RORB: variants seen among roughly 807,000 people sequenced by gnomAD.
RORB encodes the protein nuclear receptor ROR-beta.
RORB carries 6 observed loss-of-function variants against 59.1 expected under a neutral mutation model. The ratio of observed to expected loss-of-function variants is 0.10; its 90% CI spans 0.06 to 0.20. RORB has a LOEUF of 0.20. Among genes scored for constraint, RORB ranks in the 10% least tolerant of loss-of-function variants. The pLI, the probability that RORB is intolerant of heterozygous loss-of-function variation, is 1.00. For synonymous variants in RORB, 215 were observed against 204.5 expected (o/e 1.05, Z -0.44); for missense variants, 320 against 560.5 (o/e 0.57, Z 4.33).
chr9:74,507,612 T>A (rs1027618825), intron 1 of RORB, among the ~76,000 whole-genome samples: 1 of 152,006 alleles, frequency 6.6e-6, no homozygotes, highest in African/African-American at 2.4e-5. Context: ...AACACTCAAA[T>A]CATATTTAAC....
rs542223224 is a variant in RORB at position 74,597,183 on chromosome 9, C to T, written c.8-33099C>T. On this transcript the variant is annotated intron_variant, in intron 1 of 9. Coordinates refer to ENST00000376896, the MANE Select transcript of RORB (RefSeq NM_006914.4). ...GGAGACTACGTTTTGAGAATCACTG[C>T]TCTATAGGAAGTAGGAGCAATACCA... Among the ~76,000 whole-genome samples the T allele has an allele frequency of 3.9e-5, 6 of 152,272 alleles. 1 individual carries two copies. The South Asian group carries it at 1.2e-3, about 32-fold the overall frequency.
At chr9:74,576,803 C>T (rs982965363) in intron 1 of RORB, among the ~76,000 whole-genome samples, 3 of 152,184 alleles carry the variant, frequency 2.0e-5, no homozygotes, top group Middle Eastern at 3.4e-3. Context: ...ATAGCTAACA[C>T]TTAACTAGTG....
chr9:74,614,932 G>A (rs887578016), intron 1 of RORB, among the ~76,000 whole-genome samples: 1 of 152,156 alleles, frequency 6.6e-6, no homozygotes, highest in African/African-American at 2.4e-5. Flanking sequence ...AGTCACTTTA[G>A]ACTTCAGGTG....
chr9:74,603,678 A>T (rs952339867), intron 1 of RORB, among the ~76,000 whole-genome samples: 2 of 152,224 alleles, frequency 1.3e-5, no homozygotes, highest in Admixed American at 6.5e-5. Flanking sequence ...TTAGTCCATT[A>T]CTAGGAGTTA....
chr9:74,549,427 G>A (rs1826554986), intron 1 of RORB, among the ~76,000 whole-genome samples: 1 of 138,100 alleles, frequency 7.2e-6, no homozygotes, highest in African/African-American at 2.8e-5. Flanking sequence ...CTGGGCAACA[G>A]AGCAAAATTC....
chr9:74,512,102 T>C (rs1825947374), intron 1 of RORB, among the ~76,000 whole-genome samples: 1 of 152,186 alleles, frequency 6.6e-6, no homozygotes, highest in African/African-American at 2.4e-5. Flanking sequence ...TTTTTGTCTC[T>C]AAAGGCTCCT....
At chr9:74,683,603 C>T (rs1047953599) in intron 9 of RORB, among the ~76,000 whole-genome samples, 1 of 152,152 alleles carries the variant, frequency 6.6e-6, no homozygotes, top group Non-Finnish European at 1.5e-5. Context: ...AGCATCTTTG[C>T]ACATGATCCT....
At chr9:74,534,779 A>G (rs557736354) in intron 1 of RORB, among the ~76,000 whole-genome samples, 5 of 152,182 alleles carry the variant, frequency 3.3e-5, no homozygotes, top group African/African-American at 4.8e-5. Context: ...AATGATCACA[A>G]TAATATTTTC....
intron 1 of RORB, among the ~76,000 whole-genome samples, chr9:74,534,159 A>G (rs1407453359): frequency 6.6e-6 from 1 of 152,048 alleles, no homozygotes; most frequent in East Asian, 1.9e-4. Context: ...CGAGGTTCAT[A>G]TACGGATAAA....
chr9:74,571,514 A>G (rs12004464), intron 1 of RORB, among the ~76,000 whole-genome samples: 2,845 of 152,178 alleles, frequency 0.019, 78 homozygotes, highest in African/African-American at 0.061. Context: ...TGAAAAAGTT[A>G]TCGTTGTTAA....
In RORB at chr9:74,641,091, G is replaced by A. The variant is rs78525841; in HGVS notation, c.236-1323G>A. Reference sequence around the variant, plus strand: ...AACACCAAGAGGTGGTGGGAATACCGTCACAAAAGAACAGCAAACAGAAAC... The same window carrying A: ...AACACCAAGAGGTGGTGGGAATACCATCACAAAAGAACAGCAAACAGAAAC... On this transcript the variant is annotated intron_variant, in intron 3 of 9. Coordinates refer to ENST00000376896, the MANE Select transcript of RORB (RefSeq NM_006914.4). 2.6e-4 allele frequency among the ~76,000 whole-genome samples: 40 copies of A among 152,224 alleles called. No individual in the cohort carries two copies. In the East Asian group the frequency reaches 3.9e-3, roughly 15 times the overall value.
intron 3 of RORB, among the ~76,000 whole-genome samples, chr9:74,636,986 T>C (rs1439302177): frequency 1.3e-5 from 2 of 152,178 alleles, no homozygotes; most frequent in Non-Finnish European, 2.9e-5. Context: ...GTATGTAGTA[T>C]TGAATGATTC....
intron 1 of RORB, among the ~76,000 whole-genome samples, chr9:74,626,723 G>A (rs150125319): frequency 1.2e-4 from 18 of 152,304 alleles, no homozygotes; most frequent in African/African-American, 4.3e-4. Flanking sequence ...CATGTCACTA[G>A]ATCTGTATTC....
intron 1 of RORB, among the ~76,000 whole-genome samples, chr9:74,581,189 CCTT>C (rs1187491880): frequency 1.3e-5 from 2 of 152,156 alleles, no homozygotes; most frequent in Admixed American, 1.3e-4. Context: ...ACCCTTTAAA[CCTT>C]CTTAAAGGTC....
chr9:74,548,679 C>T (rs1826541426), intron 1 of RORB, among the ~76,000 whole-genome samples: 1 of 151,768 alleles, frequency 6.6e-6, no homozygotes, highest in African/African-American at 2.4e-5. Context: ...GTGTGAACTT[C>T]GAAAGTAATA....
chr9:74,504,824 T>C (rs544206271), intron 1 of RORB, among the ~76,000 whole-genome samples: 3 of 152,228 alleles, frequency 2.0e-5, no homozygotes, highest in African/African-American at 7.2e-5. Flanking sequence ...TTACATAGTT[T>C]ACCTTATAGT....
chr9:74,531,654 T>C (rs1826240625), intron 1 of RORB, among the ~76,000 whole-genome samples: 1 of 151,996 alleles, frequency 6.6e-6, no homozygotes, highest in Non-Finnish European at 1.5e-5. Context: ...CAAGTTTTAT[T>C]GTTATTTGGC....
At chr9:74,526,954 T>C (rs1374830153) in intron 1 of RORB, among the ~76,000 whole-genome samples, 1 of 151,936 alleles carries the variant, frequency 6.6e-6, no homozygotes, top group African/African-American at 2.4e-5. Context: ...ACATAAGCCT[T>C]CCTGAATGGA....
chr9:74,634,914 C>T, intron 3 of RORB, 142 bp downstream of exon 3: 1 of 730,554 alleles, frequency 1.4e-6, no homozygotes, highest in Non-Finnish European at 2.2e-6. Context: ...TAGTGCATTA[C>T]AAGGAAAAGT....
Sources: gnomAD v4.1 joint callset for allele counts (sites outside exome capture counted in the v4.1 genomes callset) on GRCh38, gnomAD v4.1.1 for gene constraint, MANE v1.5 for transcripts, NCBI Gene and HGNC (gene_info 2026-07-23, HGNC 2026-07-21) for gene names.